LCT: variants seen among roughly 807,000 people sequenced by gnomAD.
LCT encodes lactase/phlorizin hydrolase.
LCT carries 90 observed loss-of-function variants against 173.0 expected under a neutral mutation model. The observed-to-expected ratio is 0.52, with a 90% CI of 0.44 to 0.62. The LOEUF is 0.62. Among genes scored for constraint, LCT ranks in the 20% least tolerant of loss-of-function variants. LCT has a pLI of 0.00. For missense variants in LCT, 1,864 were observed against 2,431.4 expected (o/e 0.77, Z 4.91); for synonymous variants, 853 against 957.6 (o/e 0.89, Z 2.02).
At position 135,807,328 on chromosome 2, in the gene LCT, G is replaced by A. The variant is rs2105531577; in HGVS notation, c.3973C>T (p.Leu1325=). The A allele has an allele frequency of 1.9e-6, 3 of 1,614,146 alleles. No homozygotes were observed. In the East Asian group the frequency reaches 6.7e-5, roughly 36 times the overall value. Residue 1325 remains leucine, a synonymous_variant, in exon 9 of 17, where the codon CTA becomes TTA. Transcript: ENST00000264162. ...CCAAACTTGACCGTGTAGCCATTTA[G>A]CCACTCAAAGTTGTCCATCAGAGAC... ...AWSLMDNFEW[L]NGYTVKFGLY...
At position 135,809,416 on chromosome 2, in the gene LCT, A is replaced by G; in HGVS notation, c.2931T>C (p.Ser977=). 1.9e-6 allele frequency: 3 copies of G among 1,614,264 alleles called. No individual in the cohort carries two copies. The highest frequency in any genetic ancestry group is 2.5e-6 in the Non-Finnish European group (3 of 1,180,050). ...RALKVKAYRF[S]ISWSRIFPTG... is the part of the protein sequence containing the mutation. ...TTGGGAAAATCCGAGACCAGGAGAT[A>G]GAGAAGCGGTAGGCCTTCACCTTCA... The change falls in exon 8 of 17, where the codon TCT becomes TCC. Residue 977 remains serine, a synonymous_variant. Transcript: ENST00000264162. The surrounding 1 kb of genome is among the most constrained non-coding windows in gnomAD (Gnocchi z 5.5).
intron 7 of LCT, 106 bp from the exon 8 acceptor site, chr2:135,810,099 G>T: frequency 1.3e-6 from 1 of 779,222 alleles, no homozygotes; most frequent in South Asian, 1.5e-5. Flanking sequence ...GGACTCAAGT[G>T]ATCCTCCCAA....
intron 5 of LCT, among the ~76,000 whole-genome samples, chr2:135,821,382 G>T (rs907841710): frequency 6.6e-6 from 1 of 152,072 alleles, no homozygotes; most frequent in Admixed American, 6.6e-5. Context: ...TTCATATTGA[G>T]GAAATGGGCA....
In LCT at chr2:135,789,548, T is replaced by A. The variant is rs771178674; in HGVS notation, c.5563+23A>T. The A allele has an allele frequency of 3.2e-6, 5 of 1,576,994 alleles. No individual in the cohort carries two copies. In the South Asian group the frequency reaches 4.4e-5, roughly 14 times the overall value. ...CCTGCCCTTCACCCTTAGGCTTTAT[T>A]CCCTCCCAGAGCCACATCTCACCTG... On this transcript the variant is annotated intron_variant, in intron 16 of 16. Transcript: ENST00000264162.
intron 13 of LCT, 57 bp downstream of exon 13, chr2:135,797,972 C>T (rs1322575337): frequency 2.1e-6 from 2 of 939,378 alleles, no homozygotes; most frequent in East Asian, 2.4e-5. Context: ...TTGCCCGAGA[C>T]ATGCCTCTGT....
chr2:135,821,874 C>T, intron 5 of LCT, 146 bp downstream of exon 5: 1 of 661,170 alleles, frequency 1.5e-6, no homozygotes, highest in East Asian at 2.7e-5. Context: ...CTTTCTGAGT[C>T]TTTGTTTCTC....
At position 135,833,204 on chromosome 2, in the gene LCT, G is replaced by C; in HGVS notation, c.641-14C>G. ...AGAGTTTTCCGCCTGAAACCAACCA[G>C]AGACACGAACAGCAGGTGAGCGAGG... On this transcript the variant is annotated splice_polypyrimidine_tract_variant and intron_variant, in intron 1 of 16. Transcript: ENST00000264162. 7 of 1,609,172 alleles carry C rather than the reference G, an allele frequency of 4.4e-6. No individual in the cohort carries two copies. The highest frequency in any genetic ancestry group is 6.0e-6 in the Non-Finnish European group (7 of 1,175,840).
At chr2:135,835,017 T>TA (rs944965236) in intron 1 of LCT, among the ~76,000 whole-genome samples, 2 of 152,062 alleles carry the variant, frequency 1.3e-5, no homozygotes, top group African/African-American at 2.4e-5. Context: ...TTTAAAATCT[T>TA]AAAGAATGCA....
Position 135,803,987 on chromosome 2 carries a change from G to A in LCT, c.4606C>T (p.Leu1536=), listed in dbSNP as rs2304371. ...TAAGCAATGACAAAGGGCTCATTCA[G>A]CGTGATCCAAAACTTCACCTTGTCT... ...LGDKVKFWIT[L]NEPFVIAYQG... is the part of the protein sequence containing the mutation. The change falls in exon 11 of 17, where the codon CTG becomes TTG. Residue 1536 remains leucine, a synonymous_variant. Transcript: ENST00000264162. 0.81 allele frequency: 1,303,204 copies of A among 1,613,694 alleles called. 536,788 individuals are homozygous for A. The highest frequency in any genetic ancestry group is 0.85 in the Non-Finnish European group (998,936 of 1,179,800).
intron 11 of LCT, among the ~76,000 whole-genome samples, chr2:135,801,029 G>A (rs2077622134): frequency 2.0e-5 from 3 of 152,168 alleles, no homozygotes; most frequent in African/African-American, 7.2e-5. Flanking sequence ...TGGTGAAATG[G>A]GCAGCAGAGA....
intron 2 of LCT, among the ~76,000 whole-genome samples, chr2:135,832,034 T>C (rs921275782): frequency 6.6e-6 from 1 of 151,902 alleles, no homozygotes; most frequent in Non-Finnish European, 1.5e-5. Flanking sequence ...CTGACCAACA[T>C]GGTGAAACCC....
chr2:135,824,537 T>C (rs2077867080), intron 3 of LCT, among the ~76,000 whole-genome samples: 1 of 152,076 alleles, frequency 6.6e-6, no homozygotes, highest in African/African-American at 2.4e-5. Context: ...CAAGATCCTG[T>C]CTCTAAAAAA....
rs760659035 is a variant in LCT, at chr2:135,836,837, C to G, written c.333G>C (p.Gln111His). Residue 111 changes from glutamine to histidine, a missense_variant, in exon 1 of 17, where the codon CAG becomes CAC. By Grantham distance (24) the Gln-to-His change is conservative. Coordinates refer to ENST00000264162, the MANE Select transcript of LCT (RefSeq NM_002299.4). The stretch of plus-strand genomic sequence containing the variant: ...GGGCCTTGAGGAGTCGCCGGTAGCA[C>G]TGCACTGTTTTCTCGTCTGGATTCT... ...STQNPDEKTV[Q>H]CYRRLLKALK... 2 of 1,614,182 alleles carry G rather than the reference C, an allele frequency of 1.2e-6. No individual in the cohort carries two copies. Among genetic ancestry groups the G allele is most frequent in the Non-Finnish European group, 1.7e-6 (2 of 1,180,040 alleles).
At chr2:135,795,042 C>CGT (rs34214441) in intron 13 of LCT, among the ~76,000 whole-genome samples, 5 of 151,164 alleles carry the variant, frequency 3.3e-5, no homozygotes, top group South Asian at 4.2e-4. Flanking sequence ...CACGCGCGCG[C>CGT]GCGCACACAC....
chr2:135,818,894 C>T (rs2105544416), intron 5 of LCT, among the ~76,000 whole-genome samples: 1 of 152,342 alleles, frequency 6.6e-6, no homozygotes, highest in Middle Eastern at 3.4e-3. Flanking sequence ...AGCTATTTAT[C>T]AGCTGGTACA....
intron 14 of LCT, chr2:135,794,272 T>C: frequency 5.0e-6 from 1 of 200,646 alleles, no homozygotes; most frequent in Non-Finnish European, 1.0e-5. Flanking sequence ...TTTATTAATA[T>C]TAAAGCGAAT....
At chr2:135,834,589 T>C (rs957422504) in intron 1 of LCT, among the ~76,000 whole-genome samples, 2 of 146,120 alleles carry the variant, frequency 1.4e-5, no homozygotes, top group African/African-American at 5.0e-5. Flanking sequence ...GAAGTTTGAG[T>C]CCAGCCTGGC....
rs1679395982 is a variant in LCT, at chr2:135,836,676, A to C, written c.494T>G (p.Leu165Arg). The change falls in exon 1 of 17, where the codon CTA (leucine) becomes CGA (arginine). Residue 165 changes from leucine (L) to arginine (R), a missense_variant. Transcript: ENST00000264162. The stretch of plus-strand genomic sequence containing the variant: ...ACTGAAGGTGAACCAGATCCCAACT[A>C]GGTCCCCGAAGGAGTGGAAGGCGAA... ...ATFAFHSFGD[L>R]VGIWFTFSDL... 6.2e-7 allele frequency: 1 copy of C among 1,614,038 alleles called. No individual in the cohort carries two copies. Among genetic ancestry groups the C allele is most frequent in the Admixed American group, 1.7e-5 (1 of 59,996 alleles).
chr2:135,808,545 G>A lies in LCT; in HGVS notation c.3802C>T (p.Pro1268Ser), dbSNP rs2077696657. The part of the protein sequence containing the change: ...NWIKEEYGDI[P>S]IYITENGVGL... ...ACTCCGTTTTCGGTGATGTAAATGGGGATGTCACCATACTCTTCCTTGATC... is the reference window on the plus strand; with the variant it reads ...ACTCCGTTTTCGGTGATGTAAATGGAGATGTCACCATACTCTTCCTTGATC... The change falls in exon 8 of 17, where the codon CCC (proline) becomes TCC (serine). Residue 1268 changes from proline (P) to serine (S), a missense_variant. Pro to Ser is a moderately conservative substitution (Grantham distance 74). This residue lies in a region of LCT where 755 missense variants were observed against 926.3 expected (regional missense o/e 0.82). Coordinates refer to ENST00000264162, the MANE Select transcript of LCT (RefSeq NM_002299.4). 6.2e-7 allele frequency: 1 copy of A among 1,614,088 alleles called. No homozygotes were observed. The highest frequency in any genetic ancestry group is 1.7e-5 in the Admixed American group (1 of 60,004).
Sources: gnomAD v4.1 joint callset for allele counts (sites outside exome capture counted in the v4.1 genomes callset) on GRCh38, gnomAD v4.1.1 for gene constraint, gnomAD v4.1.1 regional missense constraint, Gnocchi (gnomAD v3.1) non-coding constraint, MANE v1.5 for transcripts, NCBI Gene and HGNC (gene_info 2026-07-23, HGNC 2026-07-21) for gene names.